The following CCDC81 variants were observed in gnomAD, a reference collection of about 807,000 sequenced individuals.
CCDC81 encodes coiled-coil domain-containing protein 81.
CCDC81 carries 79 observed loss-of-function variants against 83.7 expected under a neutral mutation model. That is an observed-to-expected ratio of 0.94 (90% CI 0.79 to 1.14). CCDC81 has a LOEUF of 1.14. Among genes scored for constraint, CCDC81 ranks in the 50% most tolerant of loss-of-function variants. The pLI, the probability that CCDC81 is intolerant of heterozygous loss-of-function variation, is 0.00. For synonymous variants in CCDC81, 252 were observed against 278.1 expected (o/e 0.91, Z 0.93); for missense variants, 791 against 778.1 (o/e 1.02, Z -0.20).
intron 10 of CCDC81, 117 bp downstream of exon 10, chr11:86,409,482 T>C: frequency 2.1e-6 from 1 of 478,836 alleles, no homozygotes. Flanking sequence ...AGATGGAGTC[T>C]TGCTCCGTCA....
chr11:86,403,375 C>T (rs1260371658), intron 7 of CCDC81, among the ~76,000 whole-genome samples: 1 of 151,912 alleles, frequency 6.6e-6, no homozygotes, highest in Non-Finnish European at 1.5e-5. Flanking sequence ...TGTTTCTGCA[C>T]CATTTAGTGC....
At chr11:86,409,747 C>A (rs936655655) in intron 10 of CCDC81, among the ~76,000 whole-genome samples, 2 of 152,186 alleles carry the variant, frequency 1.3e-5, no homozygotes, top group Non-Finnish European at 2.9e-5. Context: ...CCATGCCCAG[C>A]CAGTTGTGCC....
At chr11:86,411,075 T>C (rs1229021896) in intron 10 of CCDC81, among the ~76,000 whole-genome samples, 1 of 152,200 alleles carries the variant, frequency 6.6e-6, no homozygotes, top group African/African-American at 2.4e-5. Context: ...AAACATACTA[T>C]TCTCCCATTT....
chr11:86,383,306 A>T (rs555532160), intron 1 of CCDC81, among the ~76,000 whole-genome samples: 4 of 152,294 alleles, frequency 2.6e-5, no homozygotes, highest in African/African-American at 7.2e-5. Context: ...CTGCTATACT[A>T]TTCCATATAT....
chr11:86,409,077 A>G (rs1948601614), intron 9 of CCDC81, among the ~76,000 whole-genome samples, 184 bp from the exon 10 acceptor site: 1 of 152,194 alleles, frequency 6.6e-6, no homozygotes, highest in Non-Finnish European at 1.5e-5. Context: ...AAAGGAAATA[A>G]AATACCTTTC....
intron 7 of CCDC81, among the ~76,000 whole-genome samples, chr11:86,405,887 TGAG>T (rs1417164669): frequency 1.3e-5 from 2 of 151,550 alleles, no homozygotes; most frequent in African/African-American, 2.4e-5. Flanking sequence ...TTCAGCCTCC[TGAG>T]TAGTTGGGAT....
At chr11:86,396,394 C>A (rs1034421522) in intron 5 of CCDC81, among the ~76,000 whole-genome samples, 1 of 152,058 alleles carries the variant, frequency 6.6e-6, no homozygotes, top group Non-Finnish European at 1.5e-5. Context: ...TCATTGTGTG[C>A]CCTTAATTAT....
At chr11:86,395,462 G>C in intron 5 of CCDC81, 49 bp downstream of exon 5, 3 of 1,376,988 alleles carry the variant, frequency 2.2e-6, no homozygotes, top group Non-Finnish European at 3.1e-6. Flanking sequence ...ACTCCTTGCT[G>C]ATCTGCTGAT....
intron 14 of CCDC81, among the ~76,000 whole-genome samples, chr11:86,422,067 G>A (rs557548324): frequency 6.6e-6 from 1 of 152,250 alleles, no homozygotes; most frequent in East Asian, 1.9e-4. Context: ...CTTCCTCTTT[G>A]TCTCCACTCC....
intron 1 of CCDC81, among the ~76,000 whole-genome samples, chr11:86,379,667 G>T (rs1948150084): frequency 6.6e-6 from 1 of 152,140 alleles, no homozygotes; most frequent in African/African-American, 2.4e-5. Context: ...ACTGCTATCT[G>T]TTAGGTCAGC....
chr11:86,392,916 G>A (rs956857741), intron 4 of CCDC81, 119 bp downstream of exon 4: 146 of 1,067,796 alleles, frequency 1.4e-4, no homozygotes, highest in Non-Finnish European at 7.5e-5. Flanking sequence ...GTTACCTGAA[G>A]TACATGGAAG....
chr11:86,379,551 G>A (rs1421261162), intron 1 of CCDC81, among the ~76,000 whole-genome samples: 1 of 152,014 alleles, frequency 6.6e-6, no homozygotes, highest in Non-Finnish European at 1.5e-5. Context: ...CCCATCCCTT[G>A]TATCATTGCT....
chr11:86,413,789 AGGAATGTACAG>A (rs1209761230), intron 11 of CCDC81, among the ~76,000 whole-genome samples: 14 of 152,308 alleles, frequency 9.2e-5, no homozygotes, highest in African/African-American at 3.4e-4. Flanking sequence ...ACCTGAGGGC[AGGAATGTACAG>A]GGAACATAGG....
At position 86,388,210 on chromosome 11, in the gene CCDC81, C is replaced by CTCCTTCCTTCCTTCCTTCCT. The variant is rs35032279; in HGVS notation, c.298+545_298+564dup. On this transcript the variant is annotated intron_variant, in intron 3 of 14. Transcript: ENST00000445632. ...CCTCCTTTCCTCCTTCCCTCCTTCCCTCCTTCCTTCCTTCCTTCCTTCCTT... is the reference window on the plus strand; with the variant it reads ...CCTCCTTTCCTCCTTCCCTCCTTCCCTCCTTCCTTCCTTCCTTCCTTCCTTCCTTCCTTCCTTCCTTCCTT... 4.5e-4 allele frequency among the ~76,000 whole-genome samples: 65 copies of CTCCTTCCTTCCTTCCTTCCT among 144,412 alleles called. 1 individual carries two copies. The highest frequency in any genetic ancestry group is 8.3e-4 in the Non-Finnish European group (55 of 66,590). 94.7% of individuals were successfully genotyped at this position (144,412 alleles called of 152,430 possible). A position where few individuals can be genotyped will look rare whatever the true frequency, so the allele number is the denominator to read the frequency against.
chr11:86,412,922 T>G (rs1485341559), intron 11 of CCDC81, among the ~76,000 whole-genome samples: 2 of 152,110 alleles, frequency 1.3e-5, no homozygotes, highest in Non-Finnish European at 2.9e-5. Context: ...CATCTGTAGG[T>G]GGCTTGTGTT....
At chr11:86,396,886 G>C (rs542661002) in intron 5 of CCDC81, among the ~76,000 whole-genome samples, 12 of 152,292 alleles carry the variant, frequency 7.9e-5, no homozygotes, top group Non-Finnish European at 1.6e-4. Flanking sequence ...CTCCAGGAGG[G>C]AAATAATTAT....
At chr11:86,417,545 CTTCT>C (rs1311707071) in intron 13 of CCDC81, among the ~76,000 whole-genome samples, 1 of 151,806 alleles carries the variant, frequency 6.6e-6, no homozygotes, top group African/African-American at 2.4e-5. Context: ...GAGATTCATT[CTTCT>C]TTAATAGCAG....
chr11:86,382,076 G>A (rs547144375), intron 1 of CCDC81, among the ~76,000 whole-genome samples: 34 of 152,082 alleles, frequency 2.2e-4, no homozygotes, highest in African/African-American at 7.7e-4. Context: ...AGAAAGGAAG[G>A]GGTCAAGTAA....
intron 13 of CCDC81, among the ~76,000 whole-genome samples, chr11:86,417,222 G>A (rs1328699728): frequency 2.5e-5 from 3 of 120,832 alleles, no homozygotes; most frequent in African/African-American, 9.8e-5. Context: ...CAGCCTGGGC[G>A]ACAGAGATTG....
Sources: allele counts gnomAD v4.1 joint callset (sites outside exome capture counted in the v4.1 genomes callset), GRCh38; gene constraint gnomAD v4.1.1; transcripts MANE v1.5; gene names NCBI Gene and HGNC (gene_info 2026-07-23, HGNC 2026-07-21).